Variants in DNAH2 observed in about 807,000 individuals in gnomAD.
DNAH2 encodes the protein dynein axonemal heavy chain 2.
Under a neutral mutation model 523.5 loss-of-function variants are expected in DNAH2, and 323 were observed. The ratio of observed to expected loss-of-function variants is 0.62; its 90% CI spans 0.56 to 0.68. The LOEUF (loss-of-function observed/expected upper bound fraction) is 0.68. DNAH2 is among the 30% of genes least tolerant of loss of function. The probability of loss-of-function intolerance (pLI) is 0.00; values close to 1 mark genes in which losing one functional copy is unlikely to be tolerated. For missense variants in DNAH2, 4,907 were observed against 5,701.5 expected (o/e 0.86, Z 4.49); for synonymous variants, 2,093 against 2,177.4 (o/e 0.96, Z 1.08).
At chr17:7,792,169 C>T (rs1183401019) in intron 45 of DNAH2, 83 bp from the exon 46 acceptor site, 7 of 1,599,480 alleles carry the variant, frequency 4.4e-6, no homozygotes, top group East Asian at 4.5e-5. Flanking sequence ...CTCTTTCTTC[C>T]ACCCGGTGGT....
chr17:7,791,848 C>T (rs539312450), intron 44 of DNAH2, 69 bp from the exon 45 acceptor site: 1 of 1,487,838 alleles, frequency 6.7e-7, no homozygotes, highest in East Asian at 2.3e-5. Context: ...ACTCTGGTGT[C>T]ACGAGTCTGC....
At chr17:7,757,915 G>A (rs553182569) in intron 13 of DNAH2, among the ~76,000 whole-genome samples, 1 of 152,124 alleles carries the variant, frequency 6.6e-6, no homozygotes, top group Non-Finnish European at 1.5e-5. Context: ...CCATTCATGA[G>A]GGCTCCACCT....
In DNAH2 at chr17:7,757,168, T is replaced by A. The variant is rs745691906; in HGVS notation, c.1982T>A (p.Val661Glu). 1.2e-6 allele frequency: 2 copies of A among 1,614,208 alleles called. No homozygotes were observed. The highest frequency in any genetic ancestry group is 1.1e-5 in the South Asian group (1 of 91,092). The part of the protein sequence containing the change: ...LFETPHYVVN[V>E]AERAEDLRIL... ...GAGACGCCCCATTACGTGGTGAACGTAGCTGAGCGAGCCGAGGACCTGCGC... is the reference window on the plus strand; with the variant it reads ...GAGACGCCCCATTACGTGGTGAACGAAGCTGAGCGAGCCGAGGACCTGCGC... Residue 661 changes from valine (V) to glutamate (E), a missense_variant, in exon 13 of 86, where the codon GTA becomes GAA. Transcript: ENST00000572933.
In DNAH2 at chr17:7,743,095, G is replaced by C; in HGVS notation, c.1857G>C (p.Leu619=). 6.4e-7 allele frequency: 1 copy of C among 1,560,376 alleles called. No homozygotes were observed. Among genetic ancestry groups the C allele is most frequent in the Non-Finnish European group, 8.6e-7 (1 of 1,158,800 alleles). The part of the protein sequence containing the change: ...DCIRRLDTPL[L]RISQEKAGML... ...TTCGGCGGTTGGATACCCCATTGCT[G>C]CGAATCAGCCAGGAGAAGGCGGGCA... is the stretch of plus-strand genomic sequence containing the variant. The change falls in exon 12 of 86, where the codon CTG becomes CTC. Residue 619 remains leucine, a synonymous_variant. Transcript: ENST00000572933.
chr17:7,770,630 A>G lies in DNAH2; in HGVS notation c.4172A>G (p.His1391Arg). Reference sequence around the variant, plus strand: ...GTACCCTACAAGGATAAGGGCCATCATCGGCTCAGGTCAGGGGAGCTGGGG... The same window carrying G: ...GTACCCTACAAGGATAAGGGCCATCGTCGGCTCAGGTCAGGGGAGCTGGGG... ...DIVPYKDKGH[H>R]RLRGTEEVFQ... Residue 1391 changes from histidine to arginine, a missense_variant, in exon 26 of 86, where the codon CAT (histidine) becomes CGT (arginine). Around this residue, in one of 3 missense-constraint regions of DNAH2, gnomAD observed 2,806 missense variants for 3,190.8 expected, o/e 0.88. Transcript: ENST00000572933. 2 of 1,614,182 alleles carry G rather than the reference A, an allele frequency of 1.2e-6. No individual in the cohort carries two copies. Among genetic ancestry groups the G allele is most frequent in the Non-Finnish European group, 1.7e-6 (2 of 1,180,024 alleles).
rs139815141 is a variant in DNAH2 at position 7,824,037 on chromosome 17, C to T, written c.11478+55C>T. On this transcript the variant is annotated intron_variant, in intron 75 of 85. Coordinates refer to ENST00000572933, the MANE Select transcript of DNAH2 (RefSeq NM_020877.5). ...GCCCATGGGTCTTTCCTGCCTCCCTCGCTCTGTTTCAGTCTCCTTCATCTC... is the reference window on the plus strand; with the variant it reads ...GCCCATGGGTCTTTCCTGCCTCCCTTGCTCTGTTTCAGTCTCCTTCATCTC... The T allele has an allele frequency of 3.9e-4, 623 of 1,590,826 alleles. 7 individuals carry two copies. In the African/African-American group the frequency reaches 7.1e-3, roughly 18 times the overall value.
At position 7,832,444 on chromosome 17, in the gene DNAH2, G is replaced by A. The variant is rs1455109741; in HGVS notation, c.12727-135G>A. The A allele has an allele frequency of 1.9e-6, 2 of 1,032,412 alleles. No individual in the cohort carries two copies. Among genetic ancestry groups the A allele is most frequent in the South Asian group, 3.1e-5 (2 of 64,836 alleles). 64.0% of individuals were successfully genotyped at this position (1,032,412 alleles called of 1,614,324 possible). ...AGAATAGCTTAACTTGGGAGGTGGAGGTTGCAGTGAGCCAAGATCGTACCA... is the reference window on the plus strand; with the variant it reads ...AGAATAGCTTAACTTGGGAGGTGGAAGTTGCAGTGAGCCAAGATCGTACCA... On this transcript the variant is annotated intron_variant, in intron 82 of 85. Coordinates refer to ENST00000572933, the MANE Select transcript of DNAH2 (RefSeq NM_020877.5). The surrounding 1 kb of genome is among the most constrained non-coding windows in gnomAD (Gnocchi z 4.3).
intron 48 of DNAH2, 28 bp from the exon 49 acceptor site, chr17:7,794,226 G>C (rs1272956847): frequency 1.3e-6 from 2 of 1,567,164 alleles, no homozygotes; most frequent in African/African-American, 2.7e-5. Context: ...CCTCCTGCCT[G>C]TCTGCCCTCC....
chr17:7,777,776 TCTC>T lies in DNAH2; in HGVS notation c.5247+147_5247+149del, dbSNP rs66862322. 2,254 of 1,084,808 alleles carry T rather than the reference TCTC, an allele frequency of 2.1e-3. 37 individuals are homozygous for T. In the African/African-American group the frequency reaches 0.031, roughly 15 times the overall value. 67.2% of individuals were successfully genotyped at this position (1,084,808 alleles called of 1,614,324 possible). On this transcript the variant is annotated intron_variant, in intron 33 of 85. Coordinates refer to ENST00000572933, the MANE Select transcript of DNAH2 (RefSeq NM_020877.5). ...TACCCTAATCCGGTTCTTCCTTCCATCTCCTCCCCACAATCAGGAGTGGCAAGT... is the reference window on the plus strand; with the variant it reads ...TACCCTAATCCGGTTCTTCCTTCCATCTCCCCACAATCAGGAGTGGCAAGT...
chr17:7,753,854 A>G (rs1038503999), intron 12 of DNAH2, among the ~76,000 whole-genome samples: 4 of 152,180 alleles, frequency 2.6e-5, no homozygotes, highest in Admixed American at 2.0e-4. Context: ...AGGCTGAGGC[A>G]GGAGAATCAC....
chr17:7,788,447 T>C (rs1159529524), intron 44 of DNAH2, among the ~76,000 whole-genome samples: 6 of 152,172 alleles, frequency 3.9e-5, no homozygotes, highest in Admixed American at 2.6e-4. Flanking sequence ...TGCATTGAGC[T>C]GAAAGGTCTG....
At position 7,833,535 on chromosome 17, in the gene DNAH2, A is replaced by G. The variant is rs767147546; in HGVS notation, c.*2A>G. The G allele has an allele frequency of 2.7e-5, 43 of 1,613,010 alleles. No individual in the cohort carries two copies. The South Asian group carries it at 4.3e-4, about 16-fold the overall frequency. On this transcript the variant is annotated 3_prime_UTR_variant, in exon 86 of 86. Transcript: ENST00000572933. ...CTACTCATGAGCCTGGACAGCTGAG[A>G]CCTCCTCCTCTTCTCCGCTTGAGAG...
intron 8 of DNAH2, among the ~76,000 whole-genome samples, chr17:7,737,749 G>C (rs1363505557): frequency 6.6e-6 from 1 of 152,192 alleles, no homozygotes; most frequent in East Asian, 1.9e-4. Context: ...GCAGAGCTGG[G>C]CTGAGGCAGA....
intron 44 of DNAH2, among the ~76,000 whole-genome samples, chr17:7,789,440 G>A (rs1388202572): frequency 6.6e-6 from 1 of 152,134 alleles, no homozygotes; most frequent in Non-Finnish European, 1.5e-5. Context: ...GAGACCCTGA[G>A]GAGAGGGCTG....
chr17:7,790,940 C>T (rs1020640245), intron 44 of DNAH2, among the ~76,000 whole-genome samples: 1 of 152,134 alleles, frequency 6.6e-6, no homozygotes, highest in Non-Finnish European at 1.5e-5. Flanking sequence ...CTCCTGGCCT[C>T]AAGCAATACT....
intron 63 of DNAH2, among the ~76,000 whole-genome samples, chr17:7,808,030 G>C (rs2077413847): frequency 6.6e-6 from 1 of 152,148 alleles, no homozygotes; most frequent in Admixed American, 6.6e-5. Flanking sequence ...GGCCAAGTGG[G>C]TTAGTTACCG....
chr17:7,822,775 TAAG>T (rs944570136), intron 73 of DNAH2, among the ~76,000 whole-genome samples: 18 of 152,162 alleles, frequency 1.2e-4, no homozygotes, highest in Non-Finnish European at 2.2e-4. Flanking sequence ...AAATATTTGT[TAAG>T]AAGAATGAAT....
chr17:7,743,651 G>T, intron 12 of DNAH2: 1 of 352,070 alleles, frequency 2.8e-6, no homozygotes, highest in Non-Finnish European at 5.1e-6. Context: ...GGGCGACAGA[G>T]TGACCCTGCC....
chr17:7,829,647 T>C (rs1319702837), intron 77 of DNAH2, among the ~76,000 whole-genome samples: 4 of 151,990 alleles, frequency 2.6e-5, no homozygotes, highest in Non-Finnish European at 5.9e-5. Flanking sequence ...TGAACGTATA[T>C]GTACTTATCT....
Sources: gnomAD v4.1 joint callset for allele counts (sites outside exome capture counted in the v4.1 genomes callset) on GRCh38, gnomAD v4.1.1 for gene constraint, gnomAD v4.1.1 regional missense constraint, Gnocchi (gnomAD v3.1) non-coding constraint, MANE v1.5 for transcripts, NCBI Gene and HGNC (gene_info 2026-07-23, HGNC 2026-07-21) for gene names.